Variants in PLPPR1 observed in about 807,000 individuals in gnomAD.
PLPPR1 encodes phospholipid phosphatase related 1.
A neutral mutation model predicts 33.1 loss-of-function variants in PLPPR1; 10 were observed. The observed-to-expected ratio is 0.30, with a 90% CI of 0.19 to 0.51. The LOEUF (loss-of-function observed/expected upper bound fraction) is 0.51, where lower values mean the gene tolerates loss of function less well. PLPPR1 is among the 20% of genes least tolerant of loss of function. The pLI is 0.97. For missense variants in PLPPR1, 304 were observed against 408.1 expected (o/e 0.74, Z 2.20); for synonymous variants, 151 against 151.0 (o/e 1.00, Z 0.00).
intron 1 of PLPPR1, among the ~76,000 whole-genome samples, chr9:101,091,052 C>T (rs1053268445): frequency 6.6e-6 from 1 of 151,940 alleles, no homozygotes; most frequent in Non-Finnish European, 1.5e-5. Flanking sequence ...CTCAAATCTG[C>T]ATCTCTAATC....
chr9:101,155,824 T>A (rs1831676786), intron 1 of PLPPR1, among the ~76,000 whole-genome samples: 1 of 152,150 alleles, frequency 6.6e-6, no homozygotes, highest in Non-Finnish European at 1.5e-5. Flanking sequence ...AGTCTCTAAC[T>A]CCCGACCTCA....
chr9:101,181,598 G>C (rs1826110781), intron 1 of PLPPR1, among the ~76,000 whole-genome samples: 1 of 134,312 alleles, frequency 7.4e-6, no homozygotes, highest in African/African-American at 2.9e-5. Context: ...TAAAGAAATT[G>C]GGTATATGTA....
chr9:101,181,608 A>ATGTGTGTG (rs374750617), intron 1 of PLPPR1, among the ~76,000 whole-genome samples: 198 of 129,714 alleles, frequency 1.5e-3, no homozygotes, highest in African/African-American at 5.1e-3. Context: ...GGGTATATGT[A>ATGTGTGTG]TGTGTGTGTG....
intron 1 of PLPPR1, among the ~76,000 whole-genome samples, chr9:101,107,712 G>T (rs1214419086): frequency 3.0e-5 from 3 of 100,748 alleles, no homozygotes; most frequent in African/African-American, 8.6e-5. Flanking sequence ...GTTTACCTAA[G>T]CAAGCCTGGG....
At chr9:101,170,564 A>T (rs1186458677) in intron 1 of PLPPR1, among the ~76,000 whole-genome samples, 1 of 152,152 alleles carries the variant, frequency 6.6e-6, no homozygotes, top group African/African-American at 2.4e-5. Context: ...AAACCATATC[A>T]CATACTAGTA....
intron 2 of PLPPR1, among the ~76,000 whole-genome samples, chr9:101,254,979 T>TA (rs1179132833): frequency 6.6e-6 from 1 of 152,152 alleles, no homozygotes; most frequent in East Asian, 1.9e-4. Context: ...TGTGCCAACT[T>TA]AAAATCTCTT....
At chr9:101,252,388 AG>A (rs1208706808) in intron 2 of PLPPR1, among the ~76,000 whole-genome samples, 2 of 152,160 alleles carry the variant, frequency 1.3e-5, no homozygotes, top group Non-Finnish European at 2.9e-5. Context: ...AGAGGGAAGC[AG>A]GTGCAGGTCT....
intron 2 of PLPPR1, among the ~76,000 whole-genome samples, chr9:101,261,702 T>C (rs1231877368): frequency 6.6e-6 from 1 of 152,140 alleles, no homozygotes; most frequent in African/African-American, 2.4e-5. Flanking sequence ...CGCCGGAACA[T>C]GGATAGAGCT....
At chr9:101,119,532 G>A (rs1482287750) in intron 1 of PLPPR1, among the ~76,000 whole-genome samples, 1 of 152,210 alleles carries the variant, frequency 6.6e-6, no homozygotes, top group Non-Finnish European at 1.5e-5. Flanking sequence ...CAGCAATCAA[G>A]AAGAACCAAT....
intron 3 of PLPPR1, among the ~76,000 whole-genome samples, chr9:101,282,435 G>A (rs1828322245): frequency 6.6e-6 from 1 of 152,096 alleles, no homozygotes; most frequent in Admixed American, 6.6e-5. Flanking sequence ...GGCCATATGT[G>A]GTAAACTCAC....
chr9:101,316,083 G>C (rs1354017994), intron 6 of PLPPR1, among the ~76,000 whole-genome samples: 1 of 152,152 alleles, frequency 6.6e-6, no homozygotes, highest in Non-Finnish European at 1.5e-5. Flanking sequence ...ATAACCAGCA[G>C]AGGGACCTGG....
At chr9:101,322,246 CAAT>C (rs1023397650) in intron 7 of PLPPR1, among the ~76,000 whole-genome samples, 19 of 111,958 alleles carry the variant, frequency 1.7e-4, no homozygotes, top group Admixed American at 3.6e-4. Context: ...ATCAGGAAAG[CAAT>C]AATAATAATT....
chr9:101,083,812 G>A (rs1189756262), intron 1 of PLPPR1, among the ~76,000 whole-genome samples: 1 of 152,172 alleles, frequency 6.6e-6, no homozygotes, highest in Admixed American at 6.5e-5. Flanking sequence ...AAATAACTAA[G>A]AGAAAGAAAG....
chr9:101,308,855 C>G (rs1444099967), intron 4 of PLPPR1, among the ~76,000 whole-genome samples: 1 of 152,132 alleles, frequency 6.6e-6, no homozygotes, highest in Non-Finnish European at 1.5e-5. Context: ...CAAACTACCC[C>G]CTACTCCATT....
intron 2 of PLPPR1, among the ~76,000 whole-genome samples, chr9:101,237,289 C>A (rs1827320975): frequency 6.6e-6 from 1 of 151,594 alleles, no homozygotes; most frequent in South Asian, 2.1e-4. Context: ...GAAAATAGAA[C>A]CACCAAATGA....
chr9:101,175,262 C>G (rs1826001228), intron 1 of PLPPR1, among the ~76,000 whole-genome samples: 1 of 151,840 alleles, frequency 6.6e-6, no homozygotes, highest in African/African-American at 2.4e-5. Context: ...ATTTCATGGG[C>G]CCTAAGCAGT....
At chr9:101,235,900 T>A (rs1280126072) in intron 2 of PLPPR1, among the ~76,000 whole-genome samples, 1 of 151,836 alleles carries the variant, frequency 6.6e-6, no homozygotes, top group Non-Finnish European at 1.5e-5. Context: ...CTTGGCTGGC[T>A]TTATAAAAAA....
chr9:101,280,233 G>A (rs563530231), intron 3 of PLPPR1, among the ~76,000 whole-genome samples: 1 of 152,024 alleles, frequency 6.6e-6, no homozygotes, highest in Non-Finnish European at 1.5e-5. Flanking sequence ...CCAAGATTGA[G>A]CCATGAGGAA....
At chr9:101,227,055 A>G (rs746356711) in intron 2 of PLPPR1, among the ~76,000 whole-genome samples, 2 of 152,096 alleles carry the variant, frequency 1.3e-5, no homozygotes, top group Non-Finnish European at 2.9e-5. Flanking sequence ...TAATTGTGAC[A>G]CAGAAGCAGC....
Sources: allele counts gnomAD v4.1 joint callset (sites outside exome capture counted in the v4.1 genomes callset), GRCh38; gene constraint gnomAD v4.1.1; transcripts MANE v1.5; gene names NCBI Gene and HGNC (gene_info 2026-07-23, HGNC 2026-07-21).